Variants in GPM6A observed in about 807,000 individuals in gnomAD.
The protein encoded by GPM6A is glycoprotein M6A.
GPM6A carries 7 observed loss-of-function variants against 32.1 expected under a neutral mutation model. The observed-to-expected ratio is 0.22, with a 90% CI of 0.12 to 0.41. GPM6A has a LOEUF of 0.41. Ranked by LOEUF, GPM6A falls within the 10% of genes least tolerant of loss-of-function variation. The probability of loss-of-function intolerance (pLI) is 1.00; values close to 1 mark genes in which losing one functional copy is unlikely to be tolerated. For missense variants in GPM6A, 235 were observed against 347.2 expected (o/e 0.68, Z 2.57); for synonymous variants, 130 against 123.4 (o/e 1.05, Z -0.35).
At chr4:175,746,357 T>C (rs1311436547) in intron 1 of GPM6A, among the ~76,000 whole-genome samples, 1 of 152,232 alleles carries the variant, frequency 6.6e-6, no homozygotes, top group Non-Finnish European at 1.5e-5. Context: ...ACAGTTATGA[T>C]GTTAACTTCA....
chr4:175,853,925 A>G (rs1009297182), intron 1 of GPM6A, among the ~76,000 whole-genome samples: 1 of 152,202 alleles, frequency 6.6e-6, no homozygotes, highest in African/African-American at 2.4e-5. Context: ...AATTTGAACT[A>G]TAGATACCCA....
intron 2 of GPM6A, among the ~76,000 whole-genome samples, chr4:175,686,233 TCATA>T (rs1468142499): frequency 1.3e-5 from 2 of 152,226 alleles, no homozygotes; most frequent in African/African-American, 4.8e-5. Context: ...AAACCTCACT[TCATA>T]CATTTATTTA....
intron 1 of GPM6A, among the ~76,000 whole-genome samples, chr4:175,915,702 TACA>T (rs1430203992): frequency 6.6e-6 from 1 of 152,132 alleles, no homozygotes; most frequent in African/African-American, 2.4e-5. Context: ...TGCAAATCAG[TACA>T]ACAATATTAT....
chr4:175,920,019 G>A (rs1579627596), intron 1 of GPM6A, among the ~76,000 whole-genome samples: 1 of 152,224 alleles, frequency 6.6e-6, no homozygotes, highest in Non-Finnish European at 1.5e-5. Context: ...ATCTTCTCAT[G>A]TCTGGCCATC....
rs78811314 is a variant in GPM6A, at chr4:175,917,063, C to T, written c.-23+85246G>A. Reference sequence around the variant, plus strand: ...CTAAGGATATCCTGTTAAAAGGATCCTGCTGATGCGATTAAGTCCTGGCAA... The same window carrying T: ...CTAAGGATATCCTGTTAAAAGGATCTTGCTGATGCGATTAAGTCCTGGCAA... On this transcript the variant is annotated intron_variant, in intron 1 of 7. Coordinates refer to the GPM6A transcript ENST00000280187. Among the ~76,000 whole-genome samples, 570 of 152,236 alleles carry T rather than the reference C, an allele frequency of 3.7e-3. 4 individuals carry two copies. Among genetic ancestry groups the T allele is most frequent in the African/African-American group, 0.013 (545 of 41,544 alleles).
intron 1 of GPM6A, among the ~76,000 whole-genome samples, chr4:175,922,281 T>A (rs148574548): frequency 6.6e-6 from 1 of 152,320 alleles, no homozygotes; most frequent in East Asian, 1.9e-4. Flanking sequence ...GATACCCAAA[T>A]GTCCTATAAG....
At chr4:175,941,466 TG>T (rs1168369777) in intron 1 of GPM6A, among the ~76,000 whole-genome samples, 69 of 152,280 alleles carry the variant, frequency 4.5e-4, no homozygotes, top group African/African-American at 1.5e-3. Flanking sequence ...GGTATACACA[TG>T]CCATGGTGGT....
chr4:175,900,416 A>G (rs1737926605), intron 1 of GPM6A, among the ~76,000 whole-genome samples: 2 of 151,112 alleles, frequency 1.3e-5, no homozygotes, highest in South Asian at 4.2e-4. Context: ...AAGAAGCTCT[A>G]TAGGAGAAAA....
chr4:175,757,052 T>C (rs1732555834), intron 1 of GPM6A, among the ~76,000 whole-genome samples: 1 of 152,040 alleles, frequency 6.6e-6, no homozygotes, highest in Non-Finnish European at 1.5e-5. Flanking sequence ...GCTTGGGGTA[T>C]TCATGCCCTT....
intron 3 of GPM6A, among the ~76,000 whole-genome samples, chr4:175,664,710 G>A (rs1239098194): frequency 6.6e-6 from 1 of 151,870 alleles, no homozygotes; most frequent in Non-Finnish European, 1.5e-5. Flanking sequence ...ACATCTTCTG[G>A]GTTACTTGTA....
At chr4:175,872,304 C>T (rs1028781426) in intron 1 of GPM6A, among the ~76,000 whole-genome samples, 2 of 152,202 alleles carry the variant, frequency 1.3e-5, no homozygotes, top group Non-Finnish European at 2.9e-5. Context: ...CCTCCTCCTT[C>T]ACTACTCTAC....
At chr4:175,863,135 G>A (rs537286587) in intron 1 of GPM6A, among the ~76,000 whole-genome samples, 1 of 152,122 alleles carries the variant, frequency 6.6e-6, no homozygotes, top group African/African-American at 2.4e-5. Flanking sequence ...AAAATTTCAT[G>A]AGACTTCAAA....
intron 1 of GPM6A, among the ~76,000 whole-genome samples, chr4:175,742,174 C>T (rs971816144): frequency 2.6e-5 from 4 of 151,852 alleles, no homozygotes; most frequent in Non-Finnish European, 5.9e-5. Context: ...AGTTAATACC[C>T]AAATACTCAT....
chr4:175,782,245 T>A (rs1475375412), intron 1 of GPM6A, among the ~76,000 whole-genome samples: 1 of 152,158 alleles, frequency 6.6e-6, no homozygotes, highest in African/African-American at 2.4e-5. Flanking sequence ...AAGGAGAATA[T>A]CTCTGTGTTT....
At chr4:175,897,356 C>T (rs1272632487) in intron 1 of GPM6A, among the ~76,000 whole-genome samples, 1 of 152,152 alleles carries the variant, frequency 6.6e-6, no homozygotes, top group African/African-American at 2.4e-5. Flanking sequence ...TCCAATCTCA[C>T]TCCAGTGCCT....
At chr4:175,768,435 G>A (rs1733058472) in intron 1 of GPM6A, among the ~76,000 whole-genome samples, 1 of 152,034 alleles carries the variant, frequency 6.6e-6, no homozygotes, top group African/African-American at 2.4e-5. Context: ...TGCAAATACG[G>A]GAAAATGACG....
At chr4:175,719,088 CTT>C (rs1211972097) in intron 1 of GPM6A, among the ~76,000 whole-genome samples, 3 of 151,900 alleles carry the variant, frequency 2.0e-5, no homozygotes, top group Non-Finnish European at 2.9e-5. Flanking sequence ...TGCAATCTGG[CTT>C]TTTAGAATTT....
intron 1 of GPM6A, among the ~76,000 whole-genome samples, chr4:175,784,420 G>A (rs534882918): frequency 6.6e-6 from 1 of 152,232 alleles, no homozygotes; most frequent in East Asian, 1.9e-4. Flanking sequence ...TCCAAGTAAA[G>A]TCTGTAGTTA....
intron 1 of GPM6A, among the ~76,000 whole-genome samples, chr4:175,923,711 G>A (rs748975171): frequency 2.6e-5 from 4 of 151,946 alleles, no homozygotes; most frequent in Non-Finnish European, 5.9e-5. Flanking sequence ...GCACCACCAT[G>A]CCCAGCTAAT....
Sources: gnomAD v4.1 joint callset for allele counts (sites outside exome capture counted in the v4.1 genomes callset) on GRCh38, gnomAD v4.1.1 for gene constraint, MANE v1.5 for transcripts, NCBI Gene and HGNC (gene_info 2026-07-23, HGNC 2026-07-21) for gene names.